Variants in MED13L observed in about 807,000 individuals in gnomAD.
MED13L encodes the protein mediator complex subunit 13L, also known as mediator of RNA polymerase II transcription subunit 13-like.
MED13L carries 7 observed loss-of-function variants against 220.9 expected under a neutral mutation model. That is an observed-to-expected ratio of 0.03 (90% confidence interval 0.02 to 0.06). The LOEUF (loss-of-function observed/expected upper bound fraction) is 0.06. Among genes scored for constraint, MED13L ranks in the 10% least tolerant of loss-of-function variants. The probability of loss-of-function intolerance (pLI) is 1.00; values close to 1 mark genes in which losing one functional copy is unlikely to be tolerated. For missense variants in MED13L, 1,965 were observed against 2,760.5 expected (o/e 0.71, Z 6.46); for synonymous variants, 1,011 against 1,015.2 (o/e 1.00, Z 0.08).
intron 4 of MED13L, among the ~76,000 whole-genome samples, chr12:116,086,578 G>A (rs927421273): frequency 2.0e-5 from 3 of 152,008 alleles, no homozygotes; most frequent in Non-Finnish European, 2.9e-5. Flanking sequence ...TACTGTGCCC[G>A]CCCCATGATA....
intron 2 of MED13L, among the ~76,000 whole-genome samples, chr12:116,224,834 T>C (rs574394636): frequency 6.6e-6 from 1 of 152,268 alleles, no homozygotes; most frequent in South Asian, 2.1e-4. Flanking sequence ...CACGCCACTA[T>C]GCCCAGCTAA....
At chr12:116,128,887 T>C (rs1875827001) in intron 2 of MED13L, among the ~76,000 whole-genome samples, 1 of 152,130 alleles carries the variant, frequency 6.6e-6, no homozygotes, top group African/African-American at 2.4e-5. Context: ...GTATTTATCA[T>C]AAGCCACATC....
intron 3 of MED13L, among the ~76,000 whole-genome samples, chr12:116,106,716 G>A (rs1399841399): frequency 6.6e-6 from 1 of 151,804 alleles, no homozygotes; most frequent in African/African-American, 2.4e-5. Context: ...TGTGGTGGTG[G>A]GTACCTGTAA....
At chr12:116,145,512 T>C (rs1469398018) in intron 2 of MED13L, among the ~76,000 whole-genome samples, 22 of 152,054 alleles carry the variant, frequency 1.4e-4, no homozygotes, top group Non-Finnish European at 7.4e-5. Context: ...TCTTTTCTCT[T>C]TGAGACAAGG....
intron 4 of MED13L, among the ~76,000 whole-genome samples, chr12:116,054,805 A>T (rs1204780192): frequency 6.6e-6 from 1 of 152,198 alleles, no homozygotes; most frequent in Non-Finnish European, 1.5e-5. Flanking sequence ...AGTATCTATT[A>T]AAGCTGAACA....
chr12:116,200,861 G>C (rs1017313818), intron 2 of MED13L, among the ~76,000 whole-genome samples: 12 of 152,112 alleles, frequency 7.9e-5, no homozygotes, highest in Admixed American at 3.9e-4. Flanking sequence ...TAATTCCTAT[G>C]ACATAGTAGA....
At chr12:116,100,155 A>C (rs967024583) in intron 3 of MED13L, among the ~76,000 whole-genome samples, 1 of 152,176 alleles carries the variant, frequency 6.6e-6, no homozygotes, top group African/African-American at 2.4e-5. Context: ...AAGTATTTCC[A>C]CATGGTTATA....
chr12:116,072,613 G>A (rs530939018), intron 4 of MED13L, among the ~76,000 whole-genome samples: 12 of 152,134 alleles, frequency 7.9e-5, no homozygotes, highest in East Asian at 1.9e-4. Flanking sequence ...CACGATGCCC[G>A]GCTAATTTTT....
chr12:116,074,010 T>C (rs1179422311), intron 4 of MED13L, among the ~76,000 whole-genome samples: 1 of 152,336 alleles, frequency 6.6e-6, no homozygotes, highest in East Asian at 1.9e-4. Context: ...ATCAAAGCCG[T>C]TTTCTCACGA....
chr12:116,120,446 C>G (rs895495022), intron 2 of MED13L, among the ~76,000 whole-genome samples: 1 of 83,998 alleles, frequency 1.2e-5, no homozygotes, highest in South Asian at 5.4e-4. Flanking sequence ...CTCTTTCTCT[C>G]TCTCTCTCTC....
intron 1 of MED13L, among the ~76,000 whole-genome samples, chr12:116,246,083 C>G (rs528004093): frequency 5.9e-5 from 9 of 151,874 alleles, no homozygotes; most frequent in Middle Eastern, 6.8e-3. Flanking sequence ...ATACCACAAG[C>G]AAGAAGGCAA....
chr12:116,275,554 TTCTCCATTAG>T (rs1327375957), intron 1 of MED13L, among the ~76,000 whole-genome samples: 3 of 152,176 alleles, frequency 2.0e-5, no homozygotes, highest in African/African-American at 7.2e-5. Context: ...GAATTTGCAT[TTCTCCATTAG>T]TCTCATAGCA....
In MED13L at chr12:116,153,785, A is replaced by G. The variant is rs552972986; in HGVS notation, c.311-42273T>C. ...TCTAACTTTAATATGCAAATAGTAT[A>G]TCTGGTTTAATGCTCCCTTTGTGCT... On this transcript the variant is annotated intron_variant, in intron 2 of 30. Coordinates refer to ENST00000281928, the MANE Select transcript of MED13L (RefSeq NM_015335.5). 2.8e-4 allele frequency among the ~76,000 whole-genome samples: 43 copies of G among 152,310 alleles called. No homozygotes were observed. The South Asian group carries it at 8.5e-3, about 30-fold the overall frequency.
intron 2 of MED13L, among the ~76,000 whole-genome samples, chr12:116,214,121 C>T (rs1882866754): frequency 6.6e-6 from 1 of 152,206 alleles, no homozygotes; most frequent in African/African-American, 2.4e-5. Context: ...CTCTAATACA[C>T]TTGCTTTGCT....
intron 4 of MED13L, among the ~76,000 whole-genome samples, chr12:116,038,959 T>C (rs1881363081): frequency 6.6e-6 from 1 of 152,068 alleles, no homozygotes; most frequent in East Asian, 1.9e-4. Context: ...AATACTTCTC[T>C]AATGAGATGA....
chr12:116,195,839 T>G (rs1881591200), intron 2 of MED13L, among the ~76,000 whole-genome samples: 1 of 151,896 alleles, frequency 6.6e-6, no homozygotes, highest in African/African-American at 2.4e-5. Context: ...GAAAAAGAAT[T>G]TAAAAGCTAA....
chr12:116,080,004 T>G (rs1871116081), intron 4 of MED13L, among the ~76,000 whole-genome samples: 1 of 152,084 alleles, frequency 6.6e-6, no homozygotes, highest in Non-Finnish European at 1.5e-5. Flanking sequence ...TTCATAAACT[T>G]TCTTAAAACA....
At chr12:116,133,655 T>G (rs1170915537) in intron 2 of MED13L, among the ~76,000 whole-genome samples, 1 of 152,190 alleles carries the variant, frequency 6.6e-6, no homozygotes, top group Non-Finnish European at 1.5e-5. Flanking sequence ...AGTCTTCCTA[T>G]CAAGTGATAG....
At chr12:115,994,352 A>G (rs1160151982) in intron 16 of MED13L, among the ~76,000 whole-genome samples, 1 of 152,042 alleles carries the variant, frequency 6.6e-6, no homozygotes, top group Non-Finnish European at 1.5e-5. Flanking sequence ...CAGGAGGCTG[A>G]TGTGGGAGGA....
Sources: gnomAD v4.1 joint callset for allele counts (sites outside exome capture counted in the v4.1 genomes callset) on GRCh38, gnomAD v4.1.1 for gene constraint, MANE v1.5 for transcripts, NCBI Gene and HGNC (gene_info 2026-07-23, HGNC 2026-07-21) for gene names.